MBTD1: variants seen among roughly 807,000 people sequenced by gnomAD.
MBTD1 encodes the protein mbt domain containing 1, also known as MBT domain-containing protein 1.
MBTD1 carries 24 observed loss-of-function variants against 87.8 expected under a neutral mutation model. The observed-to-expected ratio is 0.27, with a 90% CI of 0.20 to 0.38. The LOEUF is 0.38. Ranked by LOEUF, MBTD1 falls within the 10% of genes least tolerant of loss-of-function variation. The probability of loss-of-function intolerance (pLI) is 1.00; values close to 1 mark genes in which losing one functional copy is unlikely to be tolerated. For missense variants in MBTD1, 436 were observed against 760.2 expected (o/e 0.57, Z 5.02); for synonymous variants, 237 against 248.6 (o/e 0.95, Z 0.44).
chr17:51,228,388 T>A (rs1469506904), intron 2 of MBTD1, among the ~76,000 whole-genome samples: 1 of 151,574 alleles, frequency 6.6e-6, no homozygotes, highest in Non-Finnish European at 1.5e-5. Flanking sequence ...AATAGAAGTA[T>A]TAAAAAAATT....
chr17:51,213,417 A>C (rs1483308923), intron 6 of MBTD1, among the ~76,000 whole-genome samples: 1 of 152,204 alleles, frequency 6.6e-6, no homozygotes, highest in African/African-American at 2.4e-5. Context: ...AATAGAAAAT[A>C]ATCTGTGAAT....
chr17:51,255,559 G>T (rs1426877958), intron 2 of MBTD1, among the ~76,000 whole-genome samples: 1 of 151,154 alleles, frequency 6.6e-6, no homozygotes, highest in East Asian at 1.9e-4. Flanking sequence ...TTAAAGCTTA[G>T]AAGTCTTAAA....
In MBTD1 at chr17:51,201,603, T is replaced by C. The variant is rs934537809; in HGVS notation, c.1213A>G (p.Thr405Ala). 2 of 1,599,468 alleles carry C rather than the reference T, an allele frequency of 1.3e-6. No individual in the cohort carries two copies. Among genetic ancestry groups the C allele is most frequent in the African/African-American group, 1.3e-5 (1 of 74,528 alleles). ...PLNLSTICVA[T>A]IRKVLADGFL... ...ACCTATTATCTTACCTTTCTAATGG[T>C]TGCGACACATATTGTAGAAAGATTT... The change falls in exon 12 of 17, where the codon ACC (threonine) becomes GCC (alanine). Residue 405 changes from threonine to alanine, a missense_variant. Coordinates refer to ENST00000586178, the MANE Select transcript of MBTD1 (RefSeq NM_017643.3).
chr17:51,203,129 C>G lies in MBTD1; in HGVS notation c.828+11G>C, dbSNP rs538934637. On this transcript the variant is annotated intron_variant, in intron 9 of 16. Coordinates refer to ENST00000586178, the MANE Select transcript of MBTD1 (RefSeq NM_017643.3). Reference sequence around the variant, plus strand: ...AGAGCTCTTCAGTCTTTATAAGATCCTGTTTTTTACCTTTTGGGAGAAATC... The same window carrying G: ...AGAGCTCTTCAGTCTTTATAAGATCGTGTTTTTTACCTTTTGGGAGAAATC... 3.1e-6 allele frequency: 5 copies of G among 1,591,382 alleles called. No individual in the cohort carries two copies. Among genetic ancestry groups the G allele is most frequent in the Non-Finnish European group, 3.4e-6 (4 of 1,169,672 alleles).
chr17:51,256,175 C>T (rs987534001), intron 2 of MBTD1: 10 of 152,166 alleles, frequency 6.6e-5, no homozygotes, highest in African/African-American at 2.2e-4. Context: ...TCTTTTATAG[C>T]AGCTTACTTT....
At chr17:51,260,583 C>A (rs749340207), upstream of MBTD1, 7 of 1,611,476 alleles carry the variant, frequency 4.3e-6, no homozygotes, top group Admixed American at 1.2e-4. Flanking sequence ...TCAAACCTAA[C>A]GATGCCGCCG....
At chr17:51,199,096 T>C (rs1360127857) in intron 12 of MBTD1, among the ~76,000 whole-genome samples, 2 of 151,872 alleles carry the variant, frequency 1.3e-5, no homozygotes, top group Admixed American at 1.3e-4. Flanking sequence ...GCACGCAGTC[T>C]TTATTTTTTT....
intron 2 of MBTD1, among the ~76,000 whole-genome samples, chr17:51,242,724 C>T (rs763380493): frequency 6.6e-6 from 1 of 152,160 alleles, no homozygotes; most frequent in African/African-American, 2.4e-5. Context: ...CCCTGTTAAG[C>T]GGGTAACCAA....
chr17:51,243,157 G>T (rs1385605035), intron 2 of MBTD1, among the ~76,000 whole-genome samples: 1 of 152,154 alleles, frequency 6.6e-6, no homozygotes, highest in Non-Finnish European at 1.5e-5. Context: ...CCACTCCAAA[G>T]AAATGTAATC....
chr17:51,220,823 C>T (rs568239439), intron 3 of MBTD1, among the ~76,000 whole-genome samples: 6 of 152,292 alleles, frequency 3.9e-5, no homozygotes, highest in African/African-American at 1.4e-4. Context: ...AATGATTACA[C>T]TTGAAAGATG....
At chr17:51,203,693 G>C in intron 8 of MBTD1, 98 bp downstream of exon 8, 1 of 1,342,266 alleles carries the variant, frequency 7.5e-7, no homozygotes, top group Admixed American at 2.2e-5. Flanking sequence ...GGCCATGCCC[G>C]GCCTTTAATT....
At chr17:51,225,407 G>A (rs1288047878) in intron 2 of MBTD1, among the ~76,000 whole-genome samples, 198 bp from the exon 3 acceptor site, 3 of 151,262 alleles carry the variant, frequency 2.0e-5, no homozygotes, top group Admixed American at 6.6e-5. Flanking sequence ...AGGCTGGAGT[G>A]CAGTGACAAT....
chr17:51,226,777 G>A lies in MBTD1; in HGVS notation c.-48-1568C>T, dbSNP rs145328155. On this transcript the variant is annotated intron_variant, in intron 2 of 16. Transcript: ENST00000586178. ...CTCTCGAGTAGCTGGGACTACAGGT[G>A]AGTGCCAACATGCCCAGCTAACTTT... Among the ~76,000 whole-genome samples, 57 of 151,626 alleles carry A rather than the reference G, an allele frequency of 3.8e-4. 1 individual carries two copies. The East Asian group carries it at 0.011, about 29-fold the overall frequency.
At chr17:51,219,114 C>T in intron 4 of MBTD1, 70 bp from the exon 5 acceptor site, 1 of 732,030 alleles carries the variant, frequency 1.4e-6, no homozygotes, top group Non-Finnish European at 2.5e-6. Context: ...AACTGGACTG[C>T]ATACTACACA....
In MBTD1 at chr17:51,178,407, G is replaced by A. The variant is rs1484416232; in HGVS notation, c.*2169C>T. ...GCCTGGGTTTGCTATAGAATTGGAA[G>A]CTTATGAAACCTGGGTATAAATGAG... On this transcript the variant is annotated 3_prime_UTR_variant, in exon 17 of 17. Coordinates refer to ENST00000586178, the MANE Select transcript of MBTD1 (RefSeq NM_017643.3). The A allele has an allele frequency of 1.3e-5, 2 of 152,154 alleles. No homozygotes were observed. Among genetic ancestry groups the A allele is most frequent in the Non-Finnish European group, 2.9e-5 (2 of 68,042 alleles). The allele number at this position is 152,154 out of a possible 1,614,324, so 9.4% of individuals were successfully genotyped here.
At chr17:51,254,581 T>C (rs1408369099) in intron 2 of MBTD1, among the ~76,000 whole-genome samples, 1 of 152,236 alleles carries the variant, frequency 6.6e-6, no homozygotes, top group African/African-American at 2.4e-5. Context: ...AAGTGATTCT[T>C]TGATCTACAA....
chr17:51,242,161 T>C (rs1186323180), intron 2 of MBTD1, among the ~76,000 whole-genome samples: 3 of 152,254 alleles, frequency 2.0e-5, no homozygotes, highest in Non-Finnish European at 4.4e-5. Context: ...TTATTGCTAT[T>C]TGGGTATCTC....
At chr17:51,260,945 C>T, upstream of MBTD1, 1 of 1,519,280 alleles carries the variant, frequency 6.6e-7, no homozygotes, top group Non-Finnish European at 8.8e-7. Flanking sequence ...GGCCGCGGCG[C>T]GCGGGCTGGG....
chr17:51,260,426 C>A, upstream of MBTD1: 1 of 769,634 alleles, frequency 1.3e-6, no homozygotes. Flanking sequence ...GGTAGGGGAG[C>A]GGGAGTTACG....
Sources: allele counts gnomAD v4.1 joint callset (sites outside exome capture counted in the v4.1 genomes callset), GRCh38; gene constraint gnomAD v4.1.1; transcripts MANE v1.5; gene names NCBI Gene and HGNC (gene_info 2026-07-23, HGNC 2026-07-21).